The following AIPL1 variants were observed in gnomAD, a reference collection of about 807,000 sequenced individuals.
The protein encoded by AIPL1 is aryl-hydrocarbon-interacting protein-like 1.
A neutral mutation model predicts 32.9 loss-of-function variants in AIPL1; 23 were observed. The observed-to-expected ratio is 0.70, with a 90% CI of 0.50 to 0.99. The LOEUF (loss-of-function observed/expected upper bound fraction) is 0.99. AIPL1 is among the 50% of genes least tolerant of loss of function. AIPL1 has a pLI of 0.00. For missense variants in AIPL1, 485 were observed against 506.0 expected, an observed-to-expected ratio of 0.96 and a Z score of 0.40; for synonymous variants, 210 against 209.4, an observed-to-expected ratio of 1.00 and a Z score of -0.02.
At chr17:6,426,818 C>T in intron 4 of AIPL1, 62 bp from the exon 5 acceptor site, 3 of 1,612,404 alleles carry the variant, frequency 1.9e-6, no homozygotes, top group Non-Finnish European at 2.5e-6. Flanking sequence ...CCCACCCTGG[C>T]CGGCACTGGG....
At chr17:6,431,946 C>G (rs1912643207) in intron 2 of AIPL1, among the ~76,000 whole-genome samples, 1 of 152,136 alleles carries the variant, frequency 6.6e-6, no homozygotes, top group South Asian at 2.1e-4. Flanking sequence ...CCTCTAGACC[C>G]CACTTTCAAT....
At chr17:6,430,086 TGC>T (rs1428527520) in intron 2 of AIPL1, among the ~76,000 whole-genome samples, 1 of 139,240 alleles carries the variant, frequency 7.2e-6, no homozygotes, top group African/African-American at 2.8e-5. Flanking sequence ...TGTGTGTGTG[TGC>T]ATGCGTACAT....
At chr17:6,434,181 G>A in intron 1 of AIPL1, 83 bp from the exon 2 acceptor site, 1 of 1,503,978 alleles carries the variant, frequency 6.6e-7, no homozygotes, top group South Asian at 1.2e-5. Flanking sequence ...CGACACCCAG[G>A]GCTGTCCCCA....
intron 3 of AIPL1, 51 bp from the exon 4 acceptor site, chr17:6,427,108 C>T: frequency 6.2e-7 from 1 of 1,605,762 alleles, no homozygotes; most frequent in Non-Finnish European, 8.5e-7. Context: ...GGGCCTGCAC[C>T]CCATCAGAGA....
At chr17:6,432,004 C>T (rs1292366282) in intron 2 of AIPL1, among the ~76,000 whole-genome samples, 7 of 152,168 alleles carry the variant, frequency 4.6e-5, no homozygotes, top group Non-Finnish European at 7.4e-5. Context: ...AATTCCATGG[C>T]GAAGGAACCA....
chr17:6,425,352 A>C lies in AIPL1; in HGVS notation c.*108T>G. 7.2e-7 allele frequency: 1 copy of C among 1,386,476 alleles called. No individual in the cohort carries two copies. Among genetic ancestry groups the C allele is most frequent in the Non-Finnish European group, 9.5e-7 (1 of 1,049,404 alleles). 85.9% of individuals were successfully genotyped at this position (1,386,476 alleles called of 1,614,324 possible). On this transcript the variant is annotated 3_prime_UTR_variant, in exon 6 of 6. Coordinates refer to ENST00000381129, the MANE Select transcript of AIPL1 (RefSeq NM_014336.5). ...CATGGGTGTGTCTGACTTTGATTTCAAAAATTAATTTTAAATTTTAAAAAG... is the reference window on the plus strand; with the variant it reads ...CATGGGTGTGTCTGACTTTGATTTCCAAAATTAATTTTAAATTTTAAAAAG...
intron 5 of AIPL1, chr17:6,426,039 T>A: frequency 9.3e-7 from 1 of 1,069,626 alleles, no homozygotes; most frequent in Non-Finnish European, 1.3e-6. Context: ...TAAGGCCCTG[T>A]GAGTAATTTT....
chr17:6,429,342 A>T (rs1912322292), intron 2 of AIPL1, among the ~76,000 whole-genome samples: 1 of 151,690 alleles, frequency 6.6e-6, no homozygotes, highest in South Asian at 2.1e-4. Flanking sequence ...AGGGGCTGAA[A>T]CTCTATGCAG....
At chr17:6,430,083 G>A (rs919884609) in intron 2 of AIPL1, among the ~76,000 whole-genome samples, 1 of 132,182 alleles carries the variant, frequency 7.6e-6, no homozygotes, top group Admixed American at 7.9e-5. Context: ...GTGTGTGTGT[G>A]TGTGCATGCG....
At position 6,425,267 on chromosome 17, in the gene AIPL1, AACT is replaced by A. The variant is rs923831532; in HGVS notation, c.*190_*192del. The A allele has an allele frequency of 3.2e-5, 21 of 662,398 alleles. No individual in the cohort carries two copies. The highest frequency in any genetic ancestry group is 4.6e-5 in the Non-Finnish European group (20 of 432,188). 41.0% of individuals were successfully genotyped at this position (662,398 alleles called of 1,614,324 possible). On this transcript the variant is annotated 3_prime_UTR_variant, in exon 6 of 6. Coordinates refer to ENST00000381129, the MANE Select transcript of AIPL1 (RefSeq NM_014336.5). ...AAGGAATGAGAGGGGTAGAGGAGAAAACTACTTTTATTCATAAGCTCTTCTGTA... is the reference window on the plus strand; with the variant it reads ...AAGGAATGAGAGGGGTAGAGGAGAAAACTTTTATTCATAAGCTCTTCTGTA...
chr17:6,431,006 T>C (rs1163129038), intron 2 of AIPL1, among the ~76,000 whole-genome samples: 2 of 152,176 alleles, frequency 1.3e-5, no homozygotes, highest in African/African-American at 4.8e-5. Context: ...CCAGCTCTAT[T>C]AGACACTGCA....
At position 6,425,234 on chromosome 17, in the gene AIPL1, T is replaced by C. The variant is rs1911780674; in HGVS notation, c.*226A>G. 2 of 467,816 alleles carry C rather than the reference T, an allele frequency of 4.3e-6. No individual in the cohort carries two copies. The highest frequency in any genetic ancestry group is 3.8e-5 in the Admixed American group (1 of 26,232). The allele number at this position is 467,816 out of a possible 1,614,324, so 29.0% of individuals were successfully genotyped here. A position where few individuals can be genotyped will look rare whatever the true frequency, so the allele number is the denominator to read the frequency against. On this transcript the variant is annotated 3_prime_UTR_variant, in exon 6 of 6. Coordinates refer to ENST00000381129, the MANE Select transcript of AIPL1 (RefSeq NM_014336.5). ...TTAAAAACAGGGTCAATTAAAACCATGGCACGGAAGGAATGAGAGGGGTAG... is the reference window on the plus strand; with the variant it reads ...TTAAAAACAGGGTCAATTAAAACCACGGCACGGAAGGAATGAGAGGGGTAG...
At chr17:6,434,262 C>G (rs76778710) in intron 1 of AIPL1, among the ~76,000 whole-genome samples, 164 bp from the exon 2 acceptor site, 3,675 of 151,974 alleles carry the variant, frequency 0.024, 155 homozygotes, top group African/African-American at 0.084. Context: ...GCCTGCACCC[C>G]CCAGGGAGGA....
Position 6,434,969 on chromosome 17 carries a change from C to T in AIPL1, c.96+40G>A, listed in dbSNP as rs183510560. 4.9e-4 allele frequency: 798 copies of T among 1,613,720 alleles called. 6 individuals are homozygous for T. In the African/African-American group the frequency reaches 9.0e-3, roughly 18 times the overall value. On this transcript the variant is annotated intron_variant, in intron 1 of 5. Transcript: ENST00000381129. ...GGCACACCTGGAATGTTGAAAGCTG[C>T]TGTGGGGGACCCTGTCTGCTCCGGA...
In AIPL1 at chr17:6,428,441, T is replaced by C; in HGVS notation, c.342A>G (p.Thr114=). Residue 114 remains threonine (T), a synonymous_variant, in exon 3 of 6, where the codon ACA becomes ACG. Coordinates refer to ENST00000381129, the MANE Select transcript of AIPL1 (RefSeq NM_014336.5). ...LRQMAQGKDP[T]EWHVHTCGLA... ...GCCCGCACGTGTGCACGTGCCACTC[T>C]GTGGGGTCCTTGCCCTGGGCCATCT... 6.2e-7 allele frequency: 1 copy of C among 1,613,994 alleles called. No homozygotes were observed.
chr17:6,432,777 T>C (rs908156094), intron 2 of AIPL1, among the ~76,000 whole-genome samples: 2 of 152,064 alleles, frequency 1.3e-5, no homozygotes, highest in Non-Finnish European at 2.9e-5. Context: ...ATTACAGGCA[T>C]GTGCCACCAC....
intron 1 of AIPL1, 103 bp downstream of exon 1, chr17:6,434,906 T>C (rs1228455669): frequency 1.3e-6 from 2 of 1,570,940 alleles, no homozygotes; most frequent in Non-Finnish European, 1.7e-6. Flanking sequence ...GCCTGGCTGT[T>C]TTTTTGGCAC....
rs1053553085 is a variant in AIPL1, at chr17:6,424,924, G to C, written c.*536C>G. 1 of 152,412 alleles carries C rather than the reference G, an allele frequency of 6.6e-6. No homozygotes were observed. The highest frequency in any genetic ancestry group is 2.4e-5 in the African/African-American group (1 of 41,412). The allele number at this position is 152,412 out of a possible 1,614,324, so 9.4% of individuals were successfully genotyped here. Reference sequence around the variant, plus strand: ...GCCTTTGAAATCTTTCCTGGGGGAGGCCAAGAACCCTCTCAGGCTAAGCTC... The same window carrying C: ...GCCTTTGAAATCTTTCCTGGGGGAGCCCAAGAACCCTCTCAGGCTAAGCTC... On this transcript the variant is annotated 3_prime_UTR_variant, in exon 6 of 6. Transcript: ENST00000381129.
Position 6,426,736 on chromosome 17 carries a change from C to T in AIPL1, c.663G>A (p.Gln221=). 1.2e-6 allele frequency: 2 copies of T among 1,614,030 alleles called. No individual in the cohort carries two copies. Among genetic ancestry groups the T allele is most frequent in the South Asian group, 1.1e-5 (1 of 91,088 alleles). The change falls in exon 5 of 6, where the codon CAG becomes CAA. Residue 221 remains glutamine, a synonymous_variant. Transcript: ENST00000381129. ...LQTKEKPWEV[Q]WLKLEKMINT... Reference sequence around the variant, plus strand: ...TGATCATCTTCTCCAGCTTCAGCCACTGCACCTCCCATGGCTTCTCCTGCC... The same window carrying T: ...TGATCATCTTCTCCAGCTTCAGCCATTGCACCTCCCATGGCTTCTCCTGCC...
Sources: gnomAD v4.1 joint callset for allele counts (sites outside exome capture counted in the v4.1 genomes callset) on GRCh38, gnomAD v4.1.1 for gene constraint, MANE v1.5 for transcripts, NCBI Gene and HGNC (gene_info 2026-07-23, HGNC 2026-07-21) for gene names.